The following GLG1 variants were observed in gnomAD, a reference collection of about 807,000 sequenced individuals.
The protein encoded by GLG1 is golgi glycoprotein 1.
A neutral mutation model predicts 160.5 loss-of-function variants in GLG1; 38 were observed. The ratio of observed to expected loss-of-function variants is 0.24; its 90% CI spans 0.18 to 0.31. The LOEUF is 0.31. Among genes scored for constraint, GLG1 ranks in the 10% least tolerant of loss-of-function variants. The pLI is 1.00. For synonymous variants in GLG1, 644 were observed against 543.4 expected (o/e 1.19, Z -2.57); for missense variants, 1,373 against 1,505.2 (o/e 0.91, Z 1.45).
chr16:74,501,429 A>G (rs1361113983), intron 4 of GLG1, among the ~76,000 whole-genome samples: 3 of 152,218 alleles, frequency 2.0e-5, no homozygotes, highest in Non-Finnish European at 4.4e-5. Flanking sequence ...CATAGGAACA[A>G]TTTTTATTAT....
intron 20 of GLG1, 144 bp downstream of exon 20, chr16:74,463,212 G>A (rs2143188113): frequency 1.4e-6 from 1 of 735,146 alleles, no homozygotes; most frequent in East Asian, 2.6e-5. Flanking sequence ...GCTCCTCAAA[G>A]GAGGAAGGCC....
At chr16:74,520,688 G>A (rs141835167) in intron 2 of GLG1, among the ~76,000 whole-genome samples, 7 of 152,250 alleles carry the variant, frequency 4.6e-5, no homozygotes, top group Non-Finnish European at 7.4e-5. Flanking sequence ...ATGTTTGGAA[G>A]AACTGCATGC....
rs763033713 is a variant in GLG1 at position 74,491,020 on chromosome 16, C to G, written c.1430G>C (p.Gly477Ala). Residue 477 changes from glycine (G) to alanine (A), a missense_variant, in exon 8 of 26, where the codon GGA becomes GCA. By Grantham distance (60) the Gly-to-Ala change is moderately conservative. This residue lies in a region of GLG1 where 386 missense variants were observed against 388.5 expected (regional missense o/e 0.99). Coordinates refer to ENST00000422840, the MANE Select transcript of GLG1 (RefSeq NM_001145667.2). ...CCTTACCGCCTGCTGGCAGTTCATT[C>G]CAAGGTTCCCCTTCTCCCCTCGAAC... ...KVVRGEKGNL[G>A]MNCQQALQTL... 2 of 1,613,704 alleles carry G rather than the reference C, an allele frequency of 1.2e-6. No individual in the cohort carries two copies. The highest frequency in any genetic ancestry group is 1.7e-6 in the Non-Finnish European group (2 of 1,179,684).
At chr16:74,595,806 A>AT (rs1417415254) in intron 1 of GLG1, among the ~76,000 whole-genome samples, 1 of 152,034 alleles carries the variant, frequency 6.6e-6, no homozygotes, top group Non-Finnish European at 1.5e-5. Context: ...ATATATCGAA[A>AT]TTTTTTTTAA....
intron 1 of GLG1, among the ~76,000 whole-genome samples, chr16:74,584,623 A>G (rs141753181): frequency 6.6e-6 from 1 of 152,162 alleles, no homozygotes; most frequent in Non-Finnish European, 1.5e-5. Flanking sequence ...GGAATAAAAA[A>G]ACCACACACT....
At chr16:74,500,546 T>G (rs960211934) in intron 4 of GLG1, among the ~76,000 whole-genome samples, 11 of 152,144 alleles carry the variant, frequency 7.2e-5, no homozygotes, top group African/African-American at 1.9e-4. Context: ...AGTTTTTATC[T>G]CTGCTATAAA....
intron 10 of GLG1, 39 bp from the exon 11 acceptor site, chr16:74,480,433 A>G (rs530368908): frequency 8.0e-6 from 12 of 1,496,712 alleles, no homozygotes; most frequent in African/African-American, 1.4e-5. Context: ...ACTAATTAAT[A>G]GACATTTCCT....
intron 2 of GLG1, among the ~76,000 whole-genome samples, chr16:74,527,331 C>A (rs560168868): frequency 6.9e-6 from 1 of 143,940 alleles, no homozygotes; most frequent in Non-Finnish European, 1.5e-5. Flanking sequence ...CTCACTGCAA[C>A]CTCTACCTCC....
At chr16:74,502,161 A>G (rs536650525) in intron 4 of GLG1, among the ~76,000 whole-genome samples, 1 of 152,354 alleles carries the variant, frequency 6.6e-6, no homozygotes, top group East Asian at 1.9e-4. Flanking sequence ...TTTCCTGAAC[A>G]GTAGATTAAT....
chr16:74,563,675 C>T (rs1007081901), intron 1 of GLG1, among the ~76,000 whole-genome samples: 15 of 110,052 alleles, frequency 1.4e-4, no homozygotes, highest in Non-Finnish European at 2.5e-4. Context: ...TGCAGGGAGC[C>T]GAGATCACGC....
chr16:74,570,307 G>A lies in GLG1; in HGVS notation c.438+36350C>T, dbSNP rs2018789906. Among the ~76,000 whole-genome samples, 3 of 151,956 alleles carry A rather than the reference G, an allele frequency of 2.0e-5. No homozygotes were observed. The South Asian group carries it at 6.2e-4, about 32-fold the overall frequency. On this transcript the variant is annotated intron_variant, in intron 1 of 25. Transcript: ENST00000422840. The stretch of plus-strand genomic sequence containing the variant: ...ACCACCAGCTATTTGTCTCTCTACT[G>A]GTACCAGCAAACTACCAGGTATTTG...
chr16:74,509,263 C>CTCGGGT (rs1352807408), intron 2 of GLG1, among the ~76,000 whole-genome samples: 1 of 146,960 alleles, frequency 6.8e-6, no homozygotes, highest in East Asian at 2.0e-4. Context: ...ACCTCCACCT[C>CTCGGGT]TCGGGTTCAA....
rs2014823359 is a variant in GLG1, at chr16:74,462,159, T to C, written c.2971A>G (p.Ile991Val). ...SSDCEDQIRIIIQESALDYRL... is the reference protein window; with the variant it reads ...SSDCEDQIRIVIQESALDYRL... ...TAGTCCAGGGCGGACTCCTGGATAATGATTCGGATCTGGTCTTCACAGTCT... is the reference window on the plus strand; with the variant it reads ...TAGTCCAGGGCGGACTCCTGGATAACGATTCGGATCTGGTCTTCACAGTCT... The change falls in exon 22 of 26, where the codon ATT becomes GTT. Residue 991 changes from isoleucine (I) to valine (V), a missense_variant. Coordinates refer to ENST00000422840, the MANE Select transcript of GLG1 (RefSeq NM_001145667.2). 1.2e-6 allele frequency: 2 copies of C among 1,608,436 alleles called. No individual in the cohort carries two copies. Among genetic ancestry groups the C allele is most frequent in the African/African-American group, 2.7e-5 (2 of 74,724 alleles).
rs989486096 is a variant in GLG1 at position 74,461,078 on chromosome 16, T to C, written c.3036+1016A>G. Among the ~76,000 whole-genome samples, 3 of 152,352 alleles carry C rather than the reference T, an allele frequency of 2.0e-5. No homozygotes were observed. The East Asian group carries it at 5.8e-4, about 29-fold the overall frequency. On this transcript the variant is annotated intron_variant, in intron 22 of 25. Transcript: ENST00000422840. ...GTTATGAGCTCCTGAAATTAACATA[T>C]GTTGAACACGCTCTCCACAAGGCCT...
At chr16:74,458,719 T>C (rs2014660913) in intron 23 of GLG1, among the ~76,000 whole-genome samples, 1 of 152,136 alleles carries the variant, frequency 6.6e-6, no homozygotes, top group South Asian at 2.1e-4. Flanking sequence ...AAAGGCACAT[T>C]TGTTTACAAA....
At position 74,532,144 on chromosome 16, in the gene GLG1, C is replaced by T. The variant is rs772667435; in HGVS notation, c.448G>A (p.Glu150Lys). ...ACATGATTGCAGTCTGAAGAAATTTCATTTTCAGGCTAGAAGAGAAAAAAA... is the reference window on the plus strand; with the variant it reads ...ACATGATTGCAGTCTGAAGAAATTTTATTTTCAGGCTAGAAGAGAAAAAAA... ...CLQDVREPEN[E>K]ISSDCNHLLW... The change falls in exon 2 of 26, where the codon GAA (glutamate) becomes AAA (lysine). Residue 150 changes from glutamate to lysine, a missense_variant. This residue lies in a region of GLG1 where 322 missense variants were observed against 254.6 expected (regional missense o/e 1.26). Coordinates refer to ENST00000422840, the MANE Select transcript of GLG1 (RefSeq NM_001145667.2). The T allele has an allele frequency of 1.5e-6, 2 of 1,363,060 alleles. No individual in the cohort carries two copies. The highest frequency in any genetic ancestry group is 2.2e-5 in the Admixed American group (1 of 46,306). The allele number at this position is 1,363,060 out of a possible 1,614,324, so 84.4% of individuals were successfully genotyped here. A position where few individuals can be genotyped will look rare whatever the true frequency, so the allele number is the denominator to read the frequency against.
At chr16:74,604,257 C>T (rs916786003) in intron 1 of GLG1, among the ~76,000 whole-genome samples, 1 of 152,186 alleles carries the variant, frequency 6.6e-6, no homozygotes, top group Admixed American at 6.5e-5. Flanking sequence ...TTAAGTTTGA[C>T]ATATGCCAAG....
chr16:74,476,708 A>G (rs2015399837), intron 12 of GLG1, among the ~76,000 whole-genome samples: 1 of 152,180 alleles, frequency 6.6e-6, no homozygotes, highest in African/African-American at 2.4e-5. Context: ...GGAGCCAATC[A>G]CAGCACTCAG....
At chr16:74,477,244 G>A (rs1018918179) in intron 12 of GLG1, 152 bp downstream of exon 12, 83 of 680,004 alleles carry the variant, frequency 1.2e-4, no homozygotes, top group Non-Finnish European at 1.8e-4. Flanking sequence ...AAATTTTCCT[G>A]AGAATTTCTT....
Sources: allele counts gnomAD v4.1 joint callset (sites outside exome capture counted in the v4.1 genomes callset), GRCh38; gene constraint gnomAD v4.1.1; regional missense constraint gnomAD v4.1.1; transcripts MANE v1.5; gene names NCBI Gene and HGNC (gene_info 2026-07-23, HGNC 2026-07-21).